GSDMC: variants seen among roughly 807,000 people sequenced by gnomAD.
The protein encoded by GSDMC is gasdermin C, also known as gasdermin-C.
A neutral mutation model predicts 58.0 loss-of-function variants in GSDMC; 59 were observed. That is an observed-to-expected ratio of 1.02 (90% CI 0.82 to 1.26). The LOEUF is 1.26. Among genes scored for constraint, GSDMC ranks in the 50% most tolerant of loss-of-function variants. The probability of loss-of-function intolerance (pLI) is 0.00; values close to 1 mark genes in which losing one functional copy is unlikely to be tolerated. For missense variants in GSDMC, 659 were observed against 598.5 expected (o/e 1.10, Z -1.06); for synonymous variants, 241 against 220.2 (o/e 1.09, Z -0.83).
At chr8:129,761,000 G>A (rs1209172850) in intron 5 of GSDMC, among the ~76,000 whole-genome samples, 7 of 152,102 alleles carry the variant, frequency 4.6e-5, no homozygotes, top group South Asian at 2.1e-4. Flanking sequence ...GTTCAACAGG[G>A]GAAAGAGCCT....
chr8:129,748,816 G>A (rs2033047477), intron 13 of GSDMC, 76 bp from the exon 14 acceptor site: 1 of 1,234,956 alleles, frequency 8.1e-7, no homozygotes, highest in East Asian at 2.7e-5. Flanking sequence ...CAGTATCCAG[G>A]GGCCATGCAG....
the GSDMC span, among the ~76,000 whole-genome samples, chr8:129,730,868 C>T: frequency 6.6e-6 from 1 of 152,042 alleles, no homozygotes; most frequent in Non-Finnish European, 1.5e-5. Context: ...ATCCTAAAAC[C>T]ATCATAAGCT....
At chr8:129,721,190 TA>T in the GSDMC span, among the ~76,000 whole-genome samples, 11 of 152,230 alleles carry the variant, frequency 7.2e-5, no homozygotes, top group Non-Finnish European at 1.3e-4. Flanking sequence ...ACATCATTTT[TA>T]ATTATTGCCT....
the GSDMC span, among the ~76,000 whole-genome samples, chr8:129,732,382 A>C: frequency 6.6e-6 from 1 of 151,998 alleles, no homozygotes; most frequent in Non-Finnish European, 1.5e-5. Flanking sequence ...TACACCCCCT[A>C]GGGAGGGGGG....
intron 1 of GSDMC, among the ~76,000 whole-genome samples, chr8:129,778,020 G>A (rs2034295701): frequency 6.6e-6 from 1 of 152,160 alleles, no homozygotes; most frequent in Non-Finnish European, 1.5e-5. Flanking sequence ...ATAACAGGAA[G>A]AAGGAAGGGC....
Position 129,752,707 on chromosome 8 carries a change from A to T in GSDMC, c.835T>A (p.Leu279Ile). The change falls in exon 7 of 14, where the codon TTA becomes ATA. Residue 279 changes from leucine (L) to isoleucine (I), a missense_variant. Coordinates refer to ENST00000276708, the MANE Select transcript of GSDMC (RefSeq NM_031415.3). ...TGAGCAATCACAGTACCTGGTTTTA[A>T]CTTCATATCATTGGATGAGGCATTG... is the stretch of plus-strand genomic sequence containing the variant. ...LFNASSNDMK[L>I]KPELFLTQQF... 2.5e-6 allele frequency: 4 copies of T among 1,614,210 alleles called. No individual in the cohort carries two copies. The highest frequency in any genetic ancestry group is 3.4e-6 in the Non-Finnish European group (4 of 1,180,032).
At chr8:129,752,595 C>G in intron 7 of GSDMC, 103 bp downstream of exon 7, 1 of 1,497,356 alleles carries the variant, frequency 6.7e-7, no homozygotes, top group Non-Finnish European at 9.0e-7. Context: ...CAATAGAAGC[C>G]TACATGGTTC....
the GSDMC span, among the ~76,000 whole-genome samples, chr8:129,717,011 C>T: frequency 6.6e-5 from 10 of 152,028 alleles, no homozygotes; most frequent in Non-Finnish European, 1.0e-4. Context: ...CTGCTGGATT[C>T]GGTTTGCCAG....
At chr8:129,730,024 G>T in the GSDMC span, 2 of 1,332,116 alleles carry the variant, frequency 1.5e-6, no homozygotes, top group South Asian at 1.3e-5. Flanking sequence ...AGAAGAAAAA[G>T]GATGAGAAGG....
At chr8:129,744,971 G>T (rs958585473), downstream of GSDMC, among the ~76,000 whole-genome samples, 6 of 152,168 alleles carry the variant, frequency 3.9e-5, no homozygotes, top group South Asian at 2.1e-4. Flanking sequence ...GACCTAGAGA[G>T]GTCCACTGTT....
At chr8:129,724,105 G>C in the GSDMC span, among the ~76,000 whole-genome samples, 5 of 152,290 alleles carry the variant, frequency 3.3e-5, no homozygotes, top group South Asian at 1.0e-3. Context: ...TGTTGAGAGG[G>C]CACTCAAGCC....
chr8:129,742,987 C>G, the GSDMC span, among the ~76,000 whole-genome samples: 2 of 152,068 alleles, frequency 1.3e-5, no homozygotes, highest in Non-Finnish European at 2.9e-5. Flanking sequence ...ATAATTGTAA[C>G]CTTTCTTTCT....
chr8:129,733,478 C>T, the GSDMC span, among the ~76,000 whole-genome samples: 9 of 152,190 alleles, frequency 5.9e-5, no homozygotes, highest in Non-Finnish European at 4.4e-5. Flanking sequence ...AAGGATCAGG[C>T]AGCAATATTT....
At chr8:129,756,403 AAG>A (rs1352219288) in intron 6 of GSDMC, among the ~76,000 whole-genome samples, 1 of 151,996 alleles carries the variant, frequency 6.6e-6, no homozygotes, top group Non-Finnish European at 1.5e-5. Flanking sequence ...ATTAGAGCTA[AAG>A]AGAGAGAGAG....
the GSDMC span, among the ~76,000 whole-genome samples, chr8:129,709,005 A>C: frequency 2.0e-5 from 3 of 152,222 alleles, no homozygotes; most frequent in Non-Finnish European, 4.4e-5. Flanking sequence ...GAGGTAACAC[A>C]TGAAGAAGGG....
At chr8:129,728,859 G>A in the GSDMC span, 108 of 625,164 alleles carry the variant, frequency 1.7e-4, 1 homozygote, top group Non-Finnish European at 2.9e-4. Context: ...GAGGCTGTTC[G>A]CCTGGGGCGG....
rs1161238758 is a variant in GSDMC at position 129,772,260 on chromosome 8, C to CAA, written c.404+3840_404+3841dup. Among the ~76,000 whole-genome samples, 388 of 94,182 alleles carry CAA rather than the reference C, an allele frequency of 4.1e-3. 10 individuals are homozygous for CAA. Among genetic ancestry groups the CAA allele is most frequent in the Middle Eastern group, 0.019 (3 of 156 alleles). 61.8% of individuals were successfully genotyped at this position (94,182 alleles called of 152,430 possible). The stretch of plus-strand genomic sequence containing the variant: ...TGGGCGACAGAGCGAGACTCCGTCT[C>CAA]AAAAAAAAAAAAAAAAAAAGATTAG... On this transcript the variant is annotated intron_variant, in intron 3 of 13. Coordinates refer to ENST00000276708, the MANE Select transcript of GSDMC (RefSeq NM_031415.3).
the GSDMC span, chr8:129,728,924 C>T: frequency 1.5e-6 from 1 of 665,036 alleles, no homozygotes; most frequent in Non-Finnish European, 2.9e-6. Flanking sequence ...ATTTGAAGGT[C>T]AGGAGGCCCG....
Position 129,748,371 on chromosome 8 carries a change from C to A in GSDMC, c.*130G>T, listed in dbSNP as rs2033020632. ...CCCAAAACATTTCCTAAAGTCTCTA[C>A]CCATTACTGTCTCTACTCCACCTGG... On this transcript the variant is annotated 3_prime_UTR_variant, in exon 14 of 14. Coordinates refer to ENST00000276708, the MANE Select transcript of GSDMC (RefSeq NM_031415.3). The A allele has an allele frequency of 3.6e-6, 3 of 822,586 alleles. No individual in the cohort carries two copies. The highest frequency in any genetic ancestry group is 3.7e-6 in the Non-Finnish European group (2 of 539,504). The allele number at this position is 822,586 out of a possible 1,614,324, so 51.0% of individuals were successfully genotyped here. A position where few individuals can be genotyped will look rare whatever the true frequency, so the allele number is the denominator to read the frequency against.
Sources: allele counts gnomAD v4.1 joint callset (sites outside exome capture counted in the v4.1 genomes callset), GRCh38; gene constraint gnomAD v4.1.1; transcripts MANE v1.5; gene names NCBI Gene and HGNC (gene_info 2026-07-23, HGNC 2026-07-21).